Variants in NEGR1 observed in about 807,000 individuals in gnomAD.
The protein encoded by NEGR1 is neuronal growth regulator 1.
In NEGR1, 10 loss-of-function variants were observed where a neutral mutation model predicts 40.9. That is an observed-to-expected ratio of 0.24 (90% CI 0.15 to 0.42). The LOEUF is 0.42. Ranked by LOEUF, NEGR1 falls within the 10% of genes least tolerant of loss-of-function variation. NEGR1 has a pLI of 1.00. For synonymous variants in NEGR1, 185 were observed against 166.8 expected, an observed-to-expected ratio of 1.11 and a Z score of -0.84; for missense variants, 352 against 438.9, an observed-to-expected ratio of 0.80 and a Z score of 1.77.
chr1:72,118,022 T>C (rs1319888564), intron 1 of NEGR1, among the ~76,000 whole-genome samples: 2 of 151,880 alleles, frequency 1.3e-5, no homozygotes, highest in Non-Finnish European at 2.9e-5. Flanking sequence ...GCTGGAATTC[T>C]CTTTGGGCAA....
chr1:72,244,006 T>G (rs930355958), intron 1 of NEGR1, among the ~76,000 whole-genome samples: 4 of 151,888 alleles, frequency 2.6e-5, no homozygotes, highest in Non-Finnish European at 5.9e-5. Context: ...TATCTAAGTA[T>G]AGCATCTTAA....
intron 2 of NEGR1, among the ~76,000 whole-genome samples, chr1:71,889,922 TAAAGA>T (rs1419757362): frequency 1.1e-3 from 2 of 1,794 alleles, no homozygotes; most frequent in Non-Finnish European, 2.3e-3. Flanking sequence ...TCAACATTCT[TAAAGA>T]AAAGAATTTT....
intron 6 of NEGR1, among the ~76,000 whole-genome samples, chr1:71,583,269 G>A (rs768269333): frequency 1.6e-4 from 25 of 152,218 alleles, no homozygotes; most frequent in Non-Finnish European, 2.8e-4. Context: ...ACAAGGAAAC[G>A]AAAATAATAA....
intron 6 of NEGR1, among the ~76,000 whole-genome samples, chr1:71,583,523 G>A (rs1349171076): frequency 6.6e-6 from 1 of 152,170 alleles, no homozygotes; most frequent in African/African-American, 2.4e-5. Flanking sequence ...CAGAGTTGAT[G>A]TGCATCTATC....
intron 1 of NEGR1, among the ~76,000 whole-genome samples, chr1:71,991,326 T>A (rs1350393145): frequency 1.3e-5 from 2 of 152,206 alleles, no homozygotes; most frequent in African/African-American, 4.8e-5. Flanking sequence ...TATTTTAGTA[T>A]CATCTGGCTC....
chr1:72,201,693 A>G (rs532609966), intron 1 of NEGR1, among the ~76,000 whole-genome samples: 34 of 152,002 alleles, frequency 2.2e-4, no homozygotes, highest in South Asian at 6.2e-4. Context: ...GAAGTGTCTT[A>G]GAATCAGTGA....
At chr1:71,742,945 G>A (rs1655263125) in intron 3 of NEGR1, among the ~76,000 whole-genome samples, 1 of 152,186 alleles carries the variant, frequency 6.6e-6, no homozygotes, top group African/African-American at 2.4e-5. Flanking sequence ...ATGAAGTCAT[G>A]TGGGTGGCAC....
At chr1:72,011,376 C>A (rs1339673443) in intron 1 of NEGR1, among the ~76,000 whole-genome samples, 1 of 152,226 alleles carries the variant, frequency 6.6e-6, no homozygotes, top group Admixed American at 6.5e-5. Flanking sequence ...AAAGGACAAT[C>A]TCTCAATGTT....
At chr1:72,203,848 G>A (rs1653300506) in intron 1 of NEGR1, among the ~76,000 whole-genome samples, 1 of 152,062 alleles carries the variant, frequency 6.6e-6, no homozygotes, top group Non-Finnish European at 1.5e-5. Context: ...AAACGATTAT[G>A]ACTTATTGAA....
chr1:72,218,358 T>G (rs1376615500), intron 1 of NEGR1, among the ~76,000 whole-genome samples: 1 of 151,930 alleles, frequency 6.6e-6, no homozygotes, highest in Non-Finnish European at 1.5e-5. Flanking sequence ...CTACTTTTTA[T>G]TGAAGTCAAG....
intron 1 of NEGR1, among the ~76,000 whole-genome samples, chr1:72,162,663 A>C (rs538333603): frequency 3.3e-5 from 5 of 152,238 alleles, no homozygotes; most frequent in African/African-American, 1.2e-4. Context: ...CAAGTGATAA[A>C]TTGGTTATTG....
chr1:71,966,205 C>T (rs1646208232), intron 1 of NEGR1, among the ~76,000 whole-genome samples: 1 of 152,162 alleles, frequency 6.6e-6, no homozygotes, highest in African/African-American at 2.4e-5. Context: ...CATAACACTT[C>T]ATTAAATGTA....
intron 1 of NEGR1, among the ~76,000 whole-genome samples, chr1:72,130,603 C>T (rs1430808853): frequency 6.6e-6 from 1 of 152,098 alleles, no homozygotes; most frequent in Admixed American, 6.6e-5. Flanking sequence ...AACTCCCTCG[C>T]TACTGCTTTT....
intron 6 of NEGR1, among the ~76,000 whole-genome samples, chr1:71,522,723 C>T (rs1381616049): frequency 9.4e-6 from 1 of 106,792 alleles, no homozygotes; most frequent in Non-Finnish European, 2.1e-5. Context: ...CCCCTCTACC[C>T]CCCCCTTACA....
At chr1:71,884,998 G>A (rs1268095205) in intron 2 of NEGR1, among the ~76,000 whole-genome samples, 1 of 152,156 alleles carries the variant, frequency 6.6e-6, no homozygotes, top group African/African-American at 2.4e-5. Context: ...CCTCAGAATG[G>A]CTTTGAATCC....
intron 1 of NEGR1, among the ~76,000 whole-genome samples, chr1:72,018,644 C>A (rs1205818136): frequency 2.0e-5 from 3 of 151,992 alleles, no homozygotes; most frequent in Non-Finnish European, 4.4e-5. Flanking sequence ...TGCCACAAAG[C>A]AAAATGAAGC....
At chr1:71,644,227 T>C (rs1294709322) in intron 4 of NEGR1, among the ~76,000 whole-genome samples, 1 of 151,964 alleles carries the variant, frequency 6.6e-6, no homozygotes, top group African/African-American at 2.4e-5. Context: ...CTGTGGGTTT[T>C]AGCACTAGTT....
chr1:71,695,013 A>T (rs1653429692), intron 4 of NEGR1, among the ~76,000 whole-genome samples: 1 of 151,810 alleles, frequency 6.6e-6, no homozygotes, highest in South Asian at 2.1e-4. Flanking sequence ...TTGGGCTTTG[A>T]CAAACTAAAC....
chr1:72,278,042 T>C (rs1656118702), intron 1 of NEGR1, among the ~76,000 whole-genome samples: 1 of 152,134 alleles, frequency 6.6e-6, no homozygotes, highest in African/African-American at 2.4e-5. Flanking sequence ...CAATAATAAA[T>C]ACTTGTCATA....
Sources: allele counts gnomAD v4.1 joint callset (sites outside exome capture counted in the v4.1 genomes callset), GRCh38; gene constraint gnomAD v4.1.1; transcripts MANE v1.5; gene names NCBI Gene and HGNC (gene_info 2026-07-23, HGNC 2026-07-21).